TMTC3: variants seen among roughly 807,000 people sequenced by gnomAD.
TMTC3 encodes the protein protein O-mannosyl-transferase TMTC3.
TMTC3 carries 52 observed loss-of-function variants against 92.2 expected under a neutral mutation model. The ratio of observed to expected loss-of-function variants is 0.56; its 90% CI spans 0.45 to 0.71. TMTC3 has a LOEUF of 0.71. Ranked by LOEUF, TMTC3 falls within the 30% of genes least tolerant of loss-of-function variation. The probability of loss-of-function intolerance (pLI) is 0.00; values close to 1 mark genes in which losing one functional copy is unlikely to be tolerated. For synonymous variants in TMTC3, 339 were observed against 363.3 expected (o/e 0.93, Z 0.76); for missense variants, 896 against 1,057.1 (o/e 0.85, Z 2.11).
intron 6 of TMTC3, among the ~76,000 whole-genome samples, chr12:88,162,603 CTGT>C (rs2041092770): frequency 6.6e-6 from 1 of 152,120 alleles, no homozygotes; most frequent in Non-Finnish European, 1.5e-5. Flanking sequence ...ACCTCTGAAT[CTGT>C]TTTCATCTTC....
intron 1 of TMTC3, among the ~76,000 whole-genome samples, chr12:88,144,398 C>T (rs1009067668): frequency 2.0e-5 from 3 of 150,970 alleles, no homozygotes; most frequent in Admixed American, 6.6e-5. Flanking sequence ...TCTCTAACAC[C>T]TTTTCTTCTG....
At chr12:88,174,470 C>A in intron 8 of TMTC3, 137 bp from the exon 9 acceptor site, 1 of 1,016,252 alleles carries the variant, frequency 9.8e-7, no homozygotes, top group Non-Finnish European at 1.4e-6. Flanking sequence ...GTTGGGTGTT[C>A]ATTAGAATGA....
chr12:88,162,414 T>C (rs962402775), intron 6 of TMTC3, among the ~76,000 whole-genome samples: 12 of 152,166 alleles, frequency 7.9e-5, no homozygotes, highest in African/African-American at 2.7e-4. Context: ...CTTTTTCCTA[T>C]TTTTCTTGTA....
At chr12:88,186,023 T>G (rs2041374020) in intron 10 of TMTC3, among the ~76,000 whole-genome samples, 1 of 152,190 alleles carries the variant, frequency 6.6e-6, no homozygotes, top group South Asian at 2.1e-4. Flanking sequence ...TTTTTTTAAA[T>G]AAATTGATAA....
intron 11 of TMTC3, 148 bp downstream of exon 11, chr12:88,189,094 A>ATT (rs201059192): frequency 4.3e-3 from 1,821 of 426,304 alleles, no homozygotes; most frequent in Middle Eastern, 6.7e-3. Flanking sequence ...AGCTTACTTA[A>ATT]TTTTTTTTTT....
Position 88,153,454 on chromosome 12 carries a change from A to G in TMTC3, c.353A>G (p.Lys118Arg), listed in dbSNP as rs745876706. 1.3e-5 allele frequency: 21 copies of G among 1,613,496 alleles called. No homozygotes were observed. Among genetic ancestry groups the G allele is most frequent in the Non-Finnish European group, 7.6e-6 (9 of 1,179,778 alleles). The change falls in exon 3 of 14, where the codon AAG becomes AGG. Residue 118 changes from lysine (K) to arginine (R), a missense_variant. Transcript: ENST00000266712. ...GTATGCAAACTTTTTCTGGACAACA[A>G]GAGTAGTGTGATTGCTTCTTTACTT... is the stretch of plus-strand genomic sequence containing the variant. ...LKVCKLFLDN[K>R]SSVIASLLFA...
intron 4 of TMTC3, among the ~76,000 whole-genome samples, chr12:88,159,901 G>A (rs183944154): frequency 6.6e-4 from 100 of 151,898 alleles, no homozygotes; most frequent in Non-Finnish European, 1.2e-3. Flanking sequence ...TTTTCTCTTT[G>A]TAAAAAATTT....
At chr12:88,184,276 C>G (rs898494082) in intron 10 of TMTC3, among the ~76,000 whole-genome samples, 4 of 152,024 alleles carry the variant, frequency 2.6e-5, no homozygotes, top group Admixed American at 1.3e-4. Context: ...ATTGTCGACC[C>G]CCCAAGTAGA....
chr12:88,154,490 G>A, intron 4 of TMTC3, 103 bp downstream of exon 4: 1 of 631,636 alleles, frequency 1.6e-6, no homozygotes, highest in East Asian at 3.1e-5. Flanking sequence ...TACCACATTT[G>A]GGATTTATCT....
chr12:88,163,962 C>G (rs1197567399), intron 6 of TMTC3, among the ~76,000 whole-genome samples: 2 of 151,986 alleles, frequency 1.3e-5, no homozygotes, highest in Admixed American at 6.6e-5. Flanking sequence ...CTTTGAGAGG[C>G]TGAGGTGATC....
chr12:88,145,276 ACT>A (rs1357304788), intron 1 of TMTC3, among the ~76,000 whole-genome samples: 1 of 152,184 alleles, frequency 6.6e-6, no homozygotes, highest in African/African-American at 2.4e-5. Flanking sequence ...CTTAATTCAC[ACT>A]GACTCCCTAC....
intron 7 of TMTC3, 133 bp downstream of exon 7, chr12:88,166,715 G>A (rs1220825825): frequency 8.8e-6 from 9 of 1,018,008 alleles, no homozygotes; most frequent in South Asian, 1.8e-5. Context: ...ATTTATAAAC[G>A]TATTTGAGTT....
chr12:88,188,283 C>T (rs2041401531), intron 10 of TMTC3, among the ~76,000 whole-genome samples: 1 of 152,038 alleles, frequency 6.6e-6, no homozygotes, highest in African/African-American at 2.4e-5. Flanking sequence ...TGTTATAACA[C>T]TTGAAATAAT....
chr12:88,169,430 A>T (rs2041180354), intron 7 of TMTC3, among the ~76,000 whole-genome samples: 1 of 152,190 alleles, frequency 6.6e-6, no homozygotes, highest in South Asian at 2.1e-4. Flanking sequence ...AAATGTATAT[A>T]AAAATGGAAC....
intron 7 of TMTC3, among the ~76,000 whole-genome samples, chr12:88,171,173 G>A (rs562347378): frequency 6.6e-6 from 1 of 152,124 alleles, no homozygotes; most frequent in East Asian, 1.9e-4. Flanking sequence ...TAGTAAAGTT[G>A]TAAAAACTGA....
chr12:88,172,909 C>G, intron 8 of TMTC3, 164 bp downstream of exon 8: 9 of 1,506,408 alleles, frequency 6.0e-6, no homozygotes, highest in Non-Finnish European at 8.0e-6. Context: ...TAGGAAAGCT[C>G]CATGGCACCT....
At chr12:88,173,032 C>T in intron 8 of TMTC3, 1 of 1,340,268 alleles carries the variant, frequency 7.5e-7, no homozygotes, top group Non-Finnish European at 9.8e-7. Context: ...AATAAAGTCT[C>T]AAATGACCAT....
chr12:88,142,922 G>C (rs929251036), intron 1 of TMTC3, among the ~76,000 whole-genome samples: 3 of 152,100 alleles, frequency 2.0e-5, no homozygotes, highest in Non-Finnish European at 4.4e-5. Context: ...GGGGTGGAGA[G>C]AGAAGGGATC....
chr12:88,190,437 C>T lies in TMTC3; in HGVS notation c.1537-16C>T. The T allele has an allele frequency of 6.2e-7, 1 of 1,604,584 alleles. No individual in the cohort carries two copies. ...CTGAAATATCAAATCATGAAAATGC[C>T]TTTTCTTCTAAACAGATTATTCCTG... On this transcript the variant is annotated splice_polypyrimidine_tract_variant and intron_variant, in intron 11 of 13. Coordinates refer to ENST00000266712, the MANE Select transcript of TMTC3 (RefSeq NM_181783.4).
Sources: allele counts gnomAD v4.1 joint callset (sites outside exome capture counted in the v4.1 genomes callset), GRCh38; gene constraint gnomAD v4.1.1; transcripts MANE v1.5; gene names NCBI Gene and HGNC (gene_info 2026-07-23, HGNC 2026-07-21).